The following EXOC4 variants were observed in gnomAD, a reference collection of about 807,000 sequenced individuals.
The protein encoded by EXOC4 is SEC8-like 1.
In EXOC4, 71 loss-of-function variants were observed where a neutral mutation model predicts 107.2. The ratio of observed to expected loss-of-function variants is 0.66; its 90% CI spans 0.55 to 0.81. EXOC4 has a LOEUF of 0.81. EXOC4 is among the 30% of genes least tolerant of loss of function. EXOC4 has a pLI of 0.00. For synonymous variants in EXOC4, 456 were observed against 441.2 expected (o/e 1.03, Z -0.42); for missense variants, 1,108 against 1,189.6 (o/e 0.93, Z 1.01).
intron 4 of EXOC4, among the ~76,000 whole-genome samples, chr7:133,309,930 A>G (rs573913913): frequency 6.6e-6 from 1 of 152,126 alleles, no homozygotes; most frequent in African/African-American, 2.4e-5. Context: ...ACAGAACAAG[A>G]CTCCATCTCA....
chr7:133,955,573 G>A (rs1401064653), intron 14 of EXOC4, among the ~76,000 whole-genome samples: 1 of 152,240 alleles, frequency 6.6e-6, no homozygotes, highest in Admixed American at 6.5e-5. Flanking sequence ...CCATGGGACT[G>A]GCAGCCTGGC....
chr7:133,598,184 G>A lies in EXOC4; in HGVS notation c.1418-31861G>A, dbSNP rs113924628. On this transcript the variant is annotated intron_variant, in intron 9 of 17. Coordinates refer to ENST00000253861, the MANE Select transcript of EXOC4 (RefSeq NM_021807.4). ...GGACAAAAGCCTTACCTAACTACAA[G>A]GGAGGGCCAGAAGTGTAGTCTTAAT... 1.6e-3 allele frequency among the ~76,000 whole-genome samples: 242 copies of A among 152,276 alleles called. 1 individual carries two copies. The highest frequency in any genetic ancestry group is 5.7e-3 in the African/African-American group (236 of 41,554).
chr7:133,867,275 G>A (rs968369516), intron 11 of EXOC4, among the ~76,000 whole-genome samples: 2 of 152,148 alleles, frequency 1.3e-5, no homozygotes, highest in African/African-American at 2.4e-5. Context: ...CTTCTTCACA[G>A]GATTGTTGCA....
In EXOC4 at chr7:133,847,219, T is replaced by C. The variant is rs553399296; in HGVS notation, c.1734+29675T>C. Among the ~76,000 whole-genome samples the C allele has an allele frequency of 8.1e-4, 123 of 152,268 alleles. 1 individual carries two copies. The highest frequency in any genetic ancestry group is 2.9e-3 in the African/African-American group (120 of 41,550). On this transcript the variant is annotated intron_variant, in intron 11 of 17. Transcript: ENST00000253861. Reference sequence around the variant, plus strand: ...ACCTTACTGTTAACCATAGTCACCCTACTGTGCAATAGAATAAAGAGCATA... The same window carrying C: ...ACCTTACTGTTAACCATAGTCACCCCACTGTGCAATAGAATAAAGAGCATA...
chr7:133,464,811 GTTT>G (rs3046149), intron 7 of EXOC4, among the ~76,000 whole-genome samples: 5 of 51,298 alleles, frequency 9.7e-5, no homozygotes, highest in African/African-American at 4.2e-4. Context: ...GGTTGGGTTG[GTTT>G]TTTTTTTTTT....
intron 10 of EXOC4, among the ~76,000 whole-genome samples, chr7:133,693,430 G>A (rs1295752402): frequency 6.6e-6 from 1 of 152,156 alleles, no homozygotes; most frequent in Non-Finnish European, 1.5e-5. Context: ...GCTTGAGGGT[G>A]GGTCTGCCTC....
chr7:134,064,032 A>G (rs1796130080), intron 17 of EXOC4, among the ~76,000 whole-genome samples: 1 of 152,178 alleles, frequency 6.6e-6, no homozygotes, highest in Non-Finnish European at 1.5e-5. Flanking sequence ...AAAATGTAGA[A>G]TGAGCTGAGC....
chr7:133,372,661 G>C (rs1024681517), intron 6 of EXOC4, among the ~76,000 whole-genome samples: 1 of 152,086 alleles, frequency 6.6e-6, no homozygotes, highest in African/African-American at 2.4e-5. Context: ...CCAGATAACA[G>C]CACCCCTAAC....
At chr7:134,040,724 G>A (rs759119198) in intron 17 of EXOC4, among the ~76,000 whole-genome samples, 2 of 152,104 alleles carry the variant, frequency 1.3e-5, no homozygotes, top group Non-Finnish European at 2.9e-5. Flanking sequence ...TAATTCTGAG[G>A]TAACTAAAGC....
intron 1 of EXOC4, among the ~76,000 whole-genome samples, chr7:133,270,907 C>T (rs1351630377): frequency 6.8e-6 from 1 of 148,088 alleles, no homozygotes; most frequent in Admixed American, 6.8e-5. Context: ...TTAGTCAGCT[C>T]TTTCATGCTT....
chr7:133,901,051 G>A (rs955023427), intron 12 of EXOC4, among the ~76,000 whole-genome samples: 3 of 152,072 alleles, frequency 2.0e-5, no homozygotes, highest in Admixed American at 6.5e-5. Flanking sequence ...TGTAGTTTTA[G>A]TAGAGATGGG....
At chr7:133,466,779 A>T (rs996901861) in intron 7 of EXOC4, among the ~76,000 whole-genome samples, 1 of 152,190 alleles carries the variant, frequency 6.6e-6, no homozygotes, top group Non-Finnish European at 1.5e-5. Context: ...ATATTAGCAA[A>T]TTGAATGTAT....
intron 17 of EXOC4, among the ~76,000 whole-genome samples, chr7:134,027,094 A>T (rs1795155880): frequency 6.6e-6 from 1 of 152,220 alleles, no homozygotes; most frequent in Non-Finnish European, 1.5e-5. Context: ...TATCAAGGAA[A>T]AGAAAACTCC....
intron 13 of EXOC4, among the ~76,000 whole-genome samples, chr7:133,934,818 A>G (rs555844296): frequency 6.6e-6 from 1 of 152,118 alleles, no homozygotes; most frequent in South Asian, 2.1e-4. Flanking sequence ...TGACTGAGTG[A>G]CAGCCAAGGG....
intron 2 of EXOC4, among the ~76,000 whole-genome samples, chr7:133,287,669 A>G (rs930033327): frequency 6.6e-6 from 1 of 152,180 alleles, no homozygotes; most frequent in Admixed American, 6.5e-5. Context: ...TTTTTTTAAC[A>G]TGGGAGACTT....
intron 10 of EXOC4, among the ~76,000 whole-genome samples, chr7:133,718,016 G>A (rs1861796): frequency 0.98 from 149,607 of 152,278 alleles, 73,566 homozygotes; most frequent in Middle Eastern, 1. Context: ...AAAAGGCACT[G>A]TCATATAGGT....
At chr7:134,093,370 T>G in the EXOC4 span, among the ~76,000 whole-genome samples, 1 of 152,270 alleles carries the variant, frequency 6.6e-6, no homozygotes, top group East Asian at 1.9e-4. Flanking sequence ...ACAAGAAGAC[T>G]TAATTATTCT....
chr7:133,855,672 A>G (rs1798359451), intron 11 of EXOC4, among the ~76,000 whole-genome samples: 1 of 152,172 alleles, frequency 6.6e-6, no homozygotes, highest in African/African-American at 2.4e-5. Flanking sequence ...GGAGGGTAAA[A>G]GCAACTACTG....
At chr7:133,367,072 G>C (rs1796264239) in intron 6 of EXOC4, among the ~76,000 whole-genome samples, 1 of 152,130 alleles carries the variant, frequency 6.6e-6, no homozygotes, top group South Asian at 2.1e-4. Context: ...TACTGATGTA[G>C]AGAACATGAA....
Sources: gnomAD v4.1 joint callset for allele counts (sites outside exome capture counted in the v4.1 genomes callset) on GRCh38, gnomAD v4.1.1 for gene constraint, MANE v1.5 for transcripts, NCBI Gene and HGNC (gene_info 2026-07-23, HGNC 2026-07-21) for gene names.